Variants in TCN1 observed in about 807,000 individuals in gnomAD.
TCN1 encodes transcobalamin-1.
Under a neutral mutation model 46.3 loss-of-function variants are expected in TCN1, and 47 were observed. That is an observed-to-expected ratio of 1.01 (90% CI 0.80 to 1.29). The LOEUF is 1.29. TCN1 is among the 50% of genes most tolerant of loss of function. TCN1 has a pLI of 0.00. For missense variants in TCN1, 532 were observed against 511.0 expected (o/e 1.04, Z -0.40); for synonymous variants, 183 against 192.5 (o/e 0.95, Z 0.41).
chr11:59,857,580 G>GT (rs1208568295), intron 5 of TCN1, among the ~76,000 whole-genome samples: 5 of 151,990 alleles, frequency 3.3e-5, no homozygotes, highest in African/African-American at 1.2e-4. Context: ...TGTCCTCACT[G>GT]TCGTCTCTCC....
rs746857070 is a variant in TCN1, at chr11:59,854,720, A to G, written c.1053T>C (p.Thr351=). 1.2e-6 allele frequency: 2 copies of G among 1,614,036 alleles called. No individual in the cohort carries two copies. Among genetic ancestry groups the G allele is most frequent in the Non-Finnish European group, 1.7e-6 (2 of 1,179,928 alleles). ...TGAGGAAGACAGAACCATTTAGCAC[A>G]GTGACATTGGTGAAATATGTTTCAT... ...RINETYFTNV[T]VLNGSVFLSV... is the part of the protein sequence containing the mutation. Residue 351 remains threonine, a synonymous_variant, in exon 7 of 9, where the codon ACT becomes ACC. Coordinates refer to ENST00000257264, the MANE Select transcript of TCN1 (RefSeq NM_001062.4).
At chr11:59,862,516 A>G (rs1277356321) in intron 3 of TCN1, 66 bp downstream of exon 3, 11 of 1,579,960 alleles carry the variant, frequency 7.0e-6, no homozygotes, top group Non-Finnish European at 9.6e-6. Context: ...GGGAAACTTC[A>G]TATAGTTTTG....
In TCN1 at chr11:59,853,340, A is replaced by T. The variant is rs752019527; in HGVS notation, c.1122-19T>A. On this transcript the variant is annotated intron_variant, in intron 7 of 8. Coordinates refer to ENST00000257264, the MANE Select transcript of TCN1 (RefSeq NM_001062.4). ...TGTGAAACTGTGGGTGACAGCAAGT[A>T]GGTTACTGGAACTTAGAATTGTCAA... 1.9e-6 allele frequency: 3 copies of T among 1,605,820 alleles called. No individual in the cohort carries two copies. The highest frequency in any genetic ancestry group is 4.5e-5 in the East Asian group (2 of 44,828).
At chr11:59,855,769 G>T in intron 6 of TCN1, 100 bp downstream of exon 6, 1 of 1,320,324 alleles carries the variant, frequency 7.6e-7, no homozygotes, top group Non-Finnish European at 1.1e-6. Flanking sequence ...TGTTTTGGAG[G>T]TTTATCTGGT....
In TCN1 at chr11:59,866,442, A is replaced by C. The variant is rs1311652928; in HGVS notation, c.29T>G (p.Val10Gly). 1 of 1,613,414 alleles carries C rather than the reference A, an allele frequency of 6.2e-7. No individual in the cohort carries two copies. Among genetic ancestry groups the C allele is most frequent in the African/African-American group, 1.3e-5 (1 of 74,898 alleles). The change falls in exon 1 of 9, where the codon GTG becomes GGG. Residue 10 changes from valine (V) to glycine (G), a missense_variant. By Grantham distance (109) the Val-to-Gly change is moderately radical. Coordinates refer to ENST00000257264, the MANE Select transcript of TCN1 (RefSeq NM_001062.4). MRQSHQLPL[V>G]GLLLFSFIPS... is the part of the protein sequence containing the mutation. ...AATAAAAGAAAACAGTAAGAGCCCC[A>C]CTAGGGGCAGCTGGTGTGACTGTCT...
intron 7 of TCN1, among the ~76,000 whole-genome samples, chr11:59,854,420 C>A (rs535128590): frequency 6.8e-6 from 1 of 146,570 alleles, no homozygotes; most frequent in Admixed American, 6.7e-5. Context: ...TAAGAGAGAG[C>A]CCTGAGATTC....
In TCN1 at chr11:59,855,936, G is replaced by C; in HGVS notation, c.870C>G (p.Val290=). ...AGGTCTTTCCCATCAGGGCAGGTAA[G>C]ACCTGGGCTGCAGCGTTTGGATTGC... ...AFSNPNAAAQ[V]LPALMGKTFL... is the part of the protein sequence containing the mutation. The change falls in exon 6 of 9, where the codon GTC becomes GTG. Residue 290 remains valine (V), a synonymous_variant. Transcript: ENST00000257264. 1.2e-6 allele frequency: 2 copies of C among 1,613,872 alleles called. No individual in the cohort carries two copies. The highest frequency in any genetic ancestry group is 1.7e-6 in the Non-Finnish European group (2 of 1,179,806).
rs1277148580 is a variant in TCN1 at position 59,862,677 on chromosome 11, A to G, written c.305T>C (p.Leu102Ser). The change falls in exon 3 of 9, where the codon TTG (leucine) becomes TCG (serine). Residue 102 changes from leucine to serine, a missense_variant. By Grantham distance (145) the Leu-to-Ser change is moderately radical. Transcript: ENST00000257264. ...TTCCTCAGCGTTACGACATACTCCC[A>G]AAGCCAGTATAATCAAGGCAAGCTC... ...SGELALIILA[L>S]GVCRNAEENL... 4 of 1,613,742 alleles carry G rather than the reference A, an allele frequency of 2.5e-6. No homozygotes were observed. Among genetic ancestry groups the G allele is most frequent in the African/African-American group, 2.7e-5 (2 of 74,918 alleles).
chr11:59,862,483 G>T (rs1853025666), intron 3 of TCN1, 99 bp downstream of exon 3: 1 of 1,424,602 alleles, frequency 7.0e-7, no homozygotes, highest in Admixed American at 1.7e-5. Flanking sequence ...AGATGAACGG[G>T]ATGAAGAGAA....
intron 7 of TCN1, among the ~76,000 whole-genome samples, chr11:59,854,195 C>A (rs1175352868): frequency 5.3e-5 from 8 of 151,260 alleles, no homozygotes; most frequent in Non-Finnish European, 1.2e-4. Context: ...AATTCAAGAC[C>A]AGCCTGTGCA....
intron 5 of TCN1, 129 bp downstream of exon 5, chr11:59,858,948 A>T: frequency 9.4e-7 from 1 of 1,067,450 alleles, no homozygotes; most frequent in Non-Finnish European, 1.4e-6. Context: ...GGTCGCAGTG[A>T]GCTGAGCTCG....
At chr11:59,859,396 G>C (rs1344347499) in intron 4 of TCN1, 129 bp from the exon 5 acceptor site, 1 of 956,552 alleles carries the variant, frequency 1.0e-6, no homozygotes, top group Non-Finnish European at 1.7e-6. Flanking sequence ...GGGATGGTTG[G>C]TCATGCTAAT....
At chr11:59,863,792 A>T in intron 2 of TCN1, 115 bp downstream of exon 2, 1 of 1,183,930 alleles carries the variant, frequency 8.4e-7, no homozygotes, top group Non-Finnish European at 1.2e-6. Flanking sequence ...GTTTGGTACC[A>T]TTAGAAGGGA....
At position 59,857,362 on chromosome 11, in the gene TCN1, A is replaced by G. The variant is rs1003793407; in HGVS notation, c.748-1304T>C. On this transcript the variant is annotated intron_variant, in intron 5 of 8. Coordinates refer to ENST00000257264, the MANE Select transcript of TCN1 (RefSeq NM_001062.4). The stretch of plus-strand genomic sequence containing the variant: ...CTCCTTCAGGTGATTCAAATATGCA[A>G]TGAAAATGGGAAAGCAGTTTATATT... Among the ~76,000 whole-genome samples, 16 of 152,134 alleles carry G rather than the reference A, an allele frequency of 1.1e-4. 1 individual carries two copies. The highest frequency in any genetic ancestry group is 5.8e-4 in the East Asian group (3 of 5,198).
At position 59,852,820 on chromosome 11, in the gene TCN1, T is replaced by A. The variant is rs1419794667; in HGVS notation, c.*155A>T. 2 of 768,724 alleles carry A rather than the reference T, an allele frequency of 2.6e-6. No individual in the cohort carries two copies. The highest frequency in any genetic ancestry group is 4.9e-5 in the East Asian group (2 of 40,756). 47.6% of individuals were successfully genotyped at this position (768,724 alleles called of 1,614,324 possible). On this transcript the variant is annotated 3_prime_UTR_variant, in exon 9 of 9. Transcript: ENST00000257264. ...CATGCTCTTTTTGTATAGTTGTTAA[T>A]CTTTCAACAACTTTTATTGAACATG...
chr11:59,861,461 C>T, intron 4 of TCN1, 66 bp downstream of exon 4: 3 of 1,564,070 alleles, frequency 1.9e-6, no homozygotes, highest in Non-Finnish European at 2.6e-6. Flanking sequence ...GGTAGAAAAA[C>T]TCAAAGAGCA....
rs149202769 is a variant in TCN1 at position 59,862,329 on chromosome 11, G to A, written c.400+253C>T. 4.4e-3 allele frequency among the ~76,000 whole-genome samples: 663 copies of A among 152,214 alleles called. 3 individuals are homozygous for A. Among genetic ancestry groups the A allele is most frequent in the African/African-American group, 0.015 (603 of 41,542 alleles). On this transcript the variant is annotated intron_variant, in intron 3 of 8. Coordinates refer to ENST00000257264, the MANE Select transcript of TCN1 (RefSeq NM_001062.4). Reference sequence around the variant, plus strand: ...GACTTGTGTGTGTGCATGTGTGTGTGTGTGTGTATGTGTGTGTGTGTTTCT... The same window carrying A: ...GACTTGTGTGTGTGCATGTGTGTGTATGTGTGTATGTGTGTGTGTGTTTCT...
intron 6 of TCN1, among the ~76,000 whole-genome samples, 198 bp downstream of exon 6, chr11:59,855,671 A>C (rs1364963157): frequency 6.6e-6 from 1 of 152,212 alleles, no homozygotes. Context: ...ACTAAGAGGG[A>C]CATCTAGCAC....
chr11:59,853,456 A>T, intron 7 of TCN1, 135 bp from the exon 8 acceptor site: 1 of 850,002 alleles, frequency 1.2e-6, no homozygotes, highest in Non-Finnish European at 2.0e-6. Context: ...GGCCCTATCC[A>T]TAGATATTTT....
Sources: allele counts gnomAD v4.1 joint callset (sites outside exome capture counted in the v4.1 genomes callset), GRCh38; gene constraint gnomAD v4.1.1; transcripts MANE v1.5; gene names NCBI Gene and HGNC (gene_info 2026-07-23, HGNC 2026-07-21).